Variants in FRMPD1 observed in about 807,000 individuals in gnomAD.
FRMPD1 encodes FERM and PDZ domain-containing protein 1.
FRMPD1 carries 76 observed loss-of-function variants against 117.8 expected under a neutral mutation model. The ratio of observed to expected loss-of-function variants is 0.65; its 90% confidence interval spans 0.54 to 0.78. FRMPD1 has a LOEUF of 0.78. FRMPD1 is among the 30% of genes least tolerant of loss of function. The pLI, the probability that FRMPD1 is intolerant of heterozygous loss-of-function variation, is 0.00. For missense variants in FRMPD1, 1,786 were observed against 1,964.5 expected (o/e 0.91, Z 1.72); for synonymous variants, 783 against 770.4 (o/e 1.02, Z -0.27).
chr9:37,704,112 A>G (rs924826648), intron 2 of FRMPD1, among the ~76,000 whole-genome samples: 5 of 152,236 alleles, frequency 3.3e-5, no homozygotes, highest in Admixed American at 2.6e-4. Flanking sequence ...ATTTCTATTC[A>G]GTTTCATTGG....
intron 1 of FRMPD1, among the ~76,000 whole-genome samples, chr9:37,680,602 A>G (rs900082632): frequency 1.3e-5 from 2 of 152,256 alleles, no homozygotes; most frequent in East Asian, 3.9e-4. Context: ...CCCTGGGGTG[A>G]TGGGGGTCCA....
chr9:37,729,317 G>T (rs1251565292), intron 7 of FRMPD1, among the ~76,000 whole-genome samples: 1 of 141,712 alleles, frequency 7.1e-6, no homozygotes, highest in Non-Finnish European at 1.5e-5. Context: ...CAGGAGGCAA[G>T]GGTTGTAGTG....
chr9:37,657,658 C>G (rs1365906651), intron 1 of FRMPD1, among the ~76,000 whole-genome samples: 1 of 152,148 alleles, frequency 6.6e-6, no homozygotes, highest in East Asian at 1.9e-4. Context: ...AAGCTCATTC[C>G]TGGTTATTTT....
intron 1 of FRMPD1, among the ~76,000 whole-genome samples, chr9:37,679,856 C>T (rs1821660843): frequency 6.6e-6 from 1 of 152,110 alleles, no homozygotes; most frequent in Admixed American, 6.5e-5. Flanking sequence ...GCAGCTGACT[C>T]AGCAGTGTCA....
chr9:37,619,054 T>C, the FRMPD1 span, among the ~76,000 whole-genome samples: 1 of 152,130 alleles, frequency 6.6e-6, no homozygotes, highest in African/African-American at 2.4e-5. Flanking sequence ...TTATACTGAA[T>C]GGAATGGAGG....
intron 7 of FRMPD1, among the ~76,000 whole-genome samples, chr9:37,729,524 G>T (rs891354753): frequency 6.6e-6 from 1 of 152,052 alleles, no homozygotes; most frequent in African/African-American, 2.4e-5. Flanking sequence ...TGGCTGTATG[G>T]ATGGTGATGG....
intron 1 of FRMPD1, among the ~76,000 whole-genome samples, chr9:37,688,871 A>C (rs1273167250): frequency 6.6e-6 from 1 of 152,050 alleles, no homozygotes; most frequent in Non-Finnish European, 1.5e-5. Flanking sequence ...ATTGTAGCTA[A>C]TTGTAAGTGA....
In FRMPD1 at chr9:37,707,439, G is replaced by C; in HGVS notation, c.125G>C (p.Gly42Ala). The C allele has an allele frequency of 6.2e-7, 1 of 1,613,618 alleles. No homozygotes were observed. Among genetic ancestry groups the C allele is most frequent in the Admixed American group, 1.7e-5 (1 of 59,966 alleles). Residue 42 changes from glycine (G) to alanine (A), a missense_variant, in exon 3 of 16, where the codon GGG (glycine) becomes GCG (alanine). Physicochemically the swap from Gly to Ala is moderately conservative, Grantham distance 60. Coordinates refer to ENST00000377765, the MANE Select transcript of FRMPD1 (RefSeq NM_014907.3). ...AGGGCTAAAGTTGCTGCAGCTGATG[G>C]GCCCGCCAGGAACCCAACTCAGACC... Reference protein sequence around the residue: ...SARAKVAAADGPARNPTQTLI... With the variant: ...SARAKVAAADAPARNPTQTLI...
intron 1 of FRMPD1, among the ~76,000 whole-genome samples, chr9:37,690,220 T>C (rs766819856): frequency 4.6e-5 from 7 of 152,120 alleles, no homozygotes; most frequent in Non-Finnish European, 8.8e-5. Context: ...TCCTACAGTC[T>C]TTCATTGACT....
chr9:37,699,131 C>T (rs1357727627), intron 2 of FRMPD1, among the ~76,000 whole-genome samples: 1 of 152,020 alleles, frequency 6.6e-6, no homozygotes, highest in Non-Finnish European at 1.5e-5. Flanking sequence ...CTCAGCCTCC[C>T]AAAATGCTGA....
chr9:37,720,033 G>A (rs765699545), intron 6 of FRMPD1, among the ~76,000 whole-genome samples: 42 of 152,270 alleles, frequency 2.8e-4, no homozygotes, highest in Admixed American at 7.8e-4. Flanking sequence ...CAAAGGCCGG[G>A]GGAGTCACAG....
intron 2 of FRMPD1, chr9:37,693,074 TCATA>T (rs1324474541): frequency 1.3e-5 from 4 of 296,604 alleles, no homozygotes; most frequent in East Asian, 6.5e-5. Context: ...GAGCACACAC[TCATA>T]CATACACTCT....
the FRMPD1 span, chr9:37,637,202 T>C: frequency 8.1e-6 from 13 of 1,610,512 alleles, no homozygotes; most frequent in African/African-American, 1.3e-5. Flanking sequence ...TGTGTAAGGG[T>C]CATCAGCAAA....
intron 1 of FRMPD1, among the ~76,000 whole-genome samples, chr9:37,655,397 C>T (rs1037447803): frequency 3.9e-5 from 6 of 151,906 alleles, no homozygotes; most frequent in Admixed American, 3.9e-4. Flanking sequence ...TGGGTCTTCC[C>T]TGTATGGATA....
At chr9:37,630,185 T>G in the FRMPD1 span, among the ~76,000 whole-genome samples, 10 of 152,162 alleles carry the variant, frequency 6.6e-5, no homozygotes, top group African/African-American at 2.4e-4. Context: ...ACACAATCAT[T>G]CGGTCCATAG....
In FRMPD1 at chr9:37,740,306, C is replaced by A. The variant is rs377088859; in HGVS notation, c.1778C>A (p.Ala593Asp). The change falls in exon 15 of 16, where the codon GCC (alanine) becomes GAC (aspartate). Residue 593 changes from alanine (A) to aspartate (D), a missense_variant. Coordinates refer to ENST00000377765, the MANE Select transcript of FRMPD1 (RefSeq NM_014907.3). This position sits in a 1 kb window ranked among gnomAD's most constrained non-coding sequence, Gnocchi z 4.2. ...GCCGAGTCCGAGGCGTCCGACTCAG[C>A]CAACACTGAGAGCCGCGGCTACAGG... ...DSAESEASDS[A>D]NTESRGYRTS... is the part of the protein sequence containing the mutation. 3 of 1,613,700 alleles carry A rather than the reference C, an allele frequency of 1.9e-6. No individual in the cohort carries two copies. The highest frequency in any genetic ancestry group is 2.5e-6 in the Non-Finnish European group (3 of 1,179,940).
the FRMPD1 span, among the ~76,000 whole-genome samples, chr9:37,631,291 G>A: frequency 6.6e-6 from 1 of 152,220 alleles, no homozygotes; most frequent in Non-Finnish European, 1.5e-5. Context: ...TGGGTGAATG[G>A]CATGGTACAT....
intron 4 of FRMPD1, among the ~76,000 whole-genome samples, chr9:37,709,481 G>T (rs1417723381): frequency 6.6e-6 from 1 of 151,746 alleles, no homozygotes; most frequent in Non-Finnish European, 1.5e-5. Context: ...CTTGAACCCG[G>T]GAGGCAGAGG....
At chr9:37,667,450 G>A (rs62533865) in intron 1 of FRMPD1, among the ~76,000 whole-genome samples, 39,224 of 149,154 alleles carry the variant, frequency 0.26, 6,937 homozygotes, top group African/African-American at 0.49. Flanking sequence ...AGGCGGGCGG[G>A]TTGCTTGAGG....
Sources: allele counts gnomAD v4.1 joint callset (sites outside exome capture counted in the v4.1 genomes callset), GRCh38; gene constraint gnomAD v4.1.1; non-coding constraint Gnocchi (gnomAD v3.1); transcripts MANE v1.5; gene names NCBI Gene and HGNC (gene_info 2026-07-23, HGNC 2026-07-21).